Variants in TAS1R2 observed in about 807,000 individuals in gnomAD.
TAS1R2 encodes taste receptor type 1 member 2.
Under a neutral mutation model 49.3 loss-of-function variants are expected in TAS1R2, and 47 were observed. That is an observed-to-expected ratio of 0.95 (90% CI 0.75 to 1.22). TAS1R2 has a LOEUF of 1.22. TAS1R2 is among the 50% of genes most tolerant of loss of function. The probability of loss-of-function intolerance (pLI) is 0.00; values close to 1 mark genes in which losing one functional copy is unlikely to be tolerated. For missense variants in TAS1R2, 1,155 were observed against 1,122.1 expected, an observed-to-expected ratio of 1.03 and a Z score of -0.42; for synonymous variants, 479 against 467.9, an observed-to-expected ratio of 1.02 and a Z score of -0.31.
intron 3 of TAS1R2, 62 bp from the exon 4 acceptor site, chr1:18,849,612 T>C: frequency 6.4e-7 from 1 of 1,569,090 alleles, no homozygotes; most frequent in East Asian, 2.3e-5. Flanking sequence ...GAATTTTTCC[T>C]GGACCTGGGA....
exon 6 of TAS1R2, chr1:18,839,764 C>G (rs534929855): frequency 1.2e-6 from 2 of 1,614,206 alleles, no homozygotes; most frequent in East Asian, 4.5e-5. Flanking sequence ...TGACCAGCAC[C>G]CCGCTGTAGG....
chr1:18,851,417 TC>T (rs1351978169), intron 3 of TAS1R2, among the ~76,000 whole-genome samples: 1 of 151,812 alleles, frequency 6.6e-6, no homozygotes, highest in Non-Finnish European at 1.5e-5. Flanking sequence ...ACAACATCCG[TC>T]TCCTGGGTTC....
chr1:18,855,576 C>G (rs749575913), intron 2 of TAS1R2, among the ~76,000 whole-genome samples: 2 of 152,216 alleles, frequency 1.3e-5, no homozygotes, highest in East Asian at 3.9e-4. Flanking sequence ...TGCTCTCCCC[C>G]TCCCTTGGTG....
chr1:18,840,798 CT>C (rs1280603724), intron 5 of TAS1R2, among the ~76,000 whole-genome samples: 1 of 152,260 alleles, frequency 6.6e-6, no homozygotes, highest in Non-Finnish European at 1.5e-5. Flanking sequence ...GAATCCAGGT[CT>C]CCTTGACCCA....
intron 4 of TAS1R2, among the ~76,000 whole-genome samples, chr1:18,845,287 A>T (rs1933896463): frequency 1.3e-5 from 2 of 152,324 alleles, no homozygotes; most frequent in South Asian, 4.1e-4. Context: ...ATGAGATGAC[A>T]TACTAAAAGC....
intron 1 of TAS1R2, chr1:18,858,239 C>T (rs1934176404): frequency 6.5e-6 from 1 of 153,678 alleles, no homozygotes; most frequent in African/African-American, 2.4e-5. Context: ...TCACCACCCC[C>T]ATCACCATCA....
At chr1:18,853,361 C>A (rs192368636) in intron 3 of TAS1R2, among the ~76,000 whole-genome samples, 3 of 150,080 alleles carry the variant, frequency 2.0e-5, no homozygotes, top group African/African-American at 4.9e-5. Flanking sequence ...ACCAGAATTC[C>A]TTTTAAAGAA....
rs960331535 is a variant in TAS1R2, at chr1:18,855,206, T to C, written c.484-220A>G. Among the ~76,000 whole-genome samples the C allele has an allele frequency of 1.6e-4, 25 of 152,046 alleles. 1 individual carries two copies. Among genetic ancestry groups the C allele is most frequent in the African/African-American group, 6.0e-4 (25 of 41,392 alleles). The stretch of plus-strand genomic sequence containing the variant: ...TAGGCCAGGTGCCTTATCTCAGTCT[T>C]ATCACGATTATTGAGCACCTACTGT... On this transcript the variant is annotated intron_variant, in intron 2 of 5. Transcript: ENST00000375371.
At chr1:18,845,621 C>A (rs1266226077) in intron 4 of TAS1R2, among the ~76,000 whole-genome samples, 1 of 152,164 alleles carries the variant, frequency 6.6e-6, no homozygotes, top group Non-Finnish European at 1.5e-5. Flanking sequence ...AATGAGAAGG[C>A]CAAGAAAGGA....
At chr1:18,851,187 G>A (rs1471637101) in intron 3 of TAS1R2, among the ~76,000 whole-genome samples, 1 of 152,114 alleles carries the variant, frequency 6.6e-6, no homozygotes, top group African/African-American at 2.4e-5. Flanking sequence ...ATGCCCGAGG[G>A]GTGGAGAAAT....
In TAS1R2 at chr1:18,841,715, C is replaced by T. The variant is rs1312477779; in HGVS notation, c.1591+14G>A. On this transcript the variant is annotated intron_variant, in intron 5 of 5. Transcript: ENST00000375371. ...GCAGGGGCAGGGCAGGAGTGCTAGG[C>T]CTGTGAATCATACCTTCAGTGTGGT... 2 of 1,610,958 alleles carry T rather than the reference C, an allele frequency of 1.2e-6. No homozygotes were observed.
At chr1:18,840,384 T>G (rs1420055968) in exon 6 of TAS1R2, 1 of 1,613,994 alleles carries the variant, frequency 6.2e-7, no homozygotes, top group Non-Finnish European at 8.5e-7. Flanking sequence ...GCCAGGGTGC[T>G]GAGGAAGCCC....
At chr1:18,855,453 C>T (rs35454886) in intron 2 of TAS1R2, among the ~76,000 whole-genome samples, 17,195 of 152,152 alleles carry the variant, frequency 0.11, 1,089 homozygotes, top group South Asian at 0.17. Context: ...TCCATGGTTT[C>T]CTTCCCAACT....
chr1:18,858,878 C>T (rs576036993), intron 1 of TAS1R2, among the ~76,000 whole-genome samples: 7 of 152,318 alleles, frequency 4.6e-5, no homozygotes, highest in South Asian at 2.1e-4. Context: ...CCTTGTCTCC[C>T]GCAATACCTT....
chr1:18,853,956 A>T (rs984471021), intron 3 of TAS1R2, among the ~76,000 whole-genome samples: 1 of 152,118 alleles, frequency 6.6e-6, no homozygotes, highest in African/African-American at 2.4e-5. Context: ...AGACTGGGGG[A>T]GGGGGGCGCT....
intron 2 of TAS1R2, 71 bp from the exon 3 acceptor site, chr1:18,855,057 C>G: frequency 6.5e-7 from 1 of 1,542,916 alleles, no homozygotes; most frequent in East Asian, 2.3e-5. Context: ...AGGGCTCTAT[C>G]CACCATCATC....
chr1:18,852,514 G>A (rs996548395), intron 3 of TAS1R2, among the ~76,000 whole-genome samples: 1 of 152,174 alleles, frequency 6.6e-6, no homozygotes, highest in African/African-American at 2.4e-5. Flanking sequence ...GGGTGGGCTG[G>A]GCTCCCTGCC....
Position 18,859,624 on chromosome 1 carries a change from A to G in TAS1R2, c.37T>C (p.Phe13Leu), listed in dbSNP as rs528696664. 4 of 1,614,232 alleles carry G rather than the reference A, an allele frequency of 2.5e-6. No homozygotes were observed. The African/African-American group carries it at 4.0e-5, about 16-fold the overall frequency. Residue 13 changes from phenylalanine to leucine, a missense_variant, in exon 1 of 6, where the codon TTC becomes CTC. Transcript: ENST00000375371. Reference sequence around the variant, plus strand: ...GGCTCAGCCAGGACCCATAGGAGGAAGAACAGGGAGGAGATGGTCTTTGCC... The same window carrying G: ...GGCTCAGCCAGGACCCATAGGAGGAGGAACAGGGAGGAGATGGTCTTTGCC...
intron 3 of TAS1R2, among the ~76,000 whole-genome samples, chr1:18,853,961 G>C (rs1198051776): frequency 1.3e-5 from 2 of 152,188 alleles, no homozygotes; most frequent in Admixed American, 1.3e-4. Context: ...GGGGGAGGGG[G>C]GCGCTGCCGT....
Sources: allele counts gnomAD v4.1 joint callset (sites outside exome capture counted in the v4.1 genomes callset), GRCh38; gene constraint gnomAD v4.1.1; transcripts MANE v1.5; gene names NCBI Gene and HGNC (gene_info 2026-07-23, HGNC 2026-07-21).